Variants in UBE2E2 observed in about 807,000 individuals in gnomAD.
UBE2E2 encodes the protein ubiquitin-conjugating enzyme E2 E2.
A neutral mutation model predicts 24.7 loss-of-function variants in UBE2E2; 6 were observed. The observed-to-expected ratio is 0.24, with a 90% CI of 0.13 to 0.48. The LOEUF (loss-of-function observed/expected upper bound fraction) is 0.48. UBE2E2 is among the 20% of genes least tolerant of loss of function. The probability of loss-of-function intolerance (pLI) is 0.99; values close to 1 mark genes in which losing one functional copy is unlikely to be tolerated. For synonymous variants in UBE2E2, 104 were observed against 83.6 expected (o/e 1.24, Z -1.33); for missense variants, 169 against 245.0 (o/e 0.69, Z 2.07).
At chr3:23,401,607 C>A (rs1270046805) in intron 3 of UBE2E2, among the ~76,000 whole-genome samples, 2 of 152,102 alleles carry the variant, frequency 1.3e-5, no homozygotes, top group Admixed American at 1.3e-4. Flanking sequence ...CTGTCCCATT[C>A]TTCCCTTAAT....
intron 3 of UBE2E2, among the ~76,000 whole-genome samples, chr3:23,379,269 G>A (rs1696601330): frequency 1.3e-5 from 2 of 150,376 alleles, no homozygotes; most frequent in Admixed American, 1.3e-4. Context: ...TATACTTTAA[G>A]TTTTAGGGTA....
chr3:23,479,656 T>A (rs1010502099), intron 3 of UBE2E2, among the ~76,000 whole-genome samples: 4 of 152,018 alleles, frequency 2.6e-5, no homozygotes, highest in Non-Finnish European at 5.9e-5. Context: ...AACTGGAGGG[T>A]GAGCAAGGTG....
intron 3 of UBE2E2, among the ~76,000 whole-genome samples, chr3:23,267,743 A>G (rs1246851724): frequency 6.6e-6 from 1 of 151,998 alleles, no homozygotes; most frequent in Non-Finnish European, 1.5e-5. Context: ...CCTGGCAGAG[A>G]CACAACCAAA....
chr3:23,256,837 G>C (rs1697737003), intron 3 of UBE2E2, among the ~76,000 whole-genome samples: 1 of 152,062 alleles, frequency 6.6e-6, no homozygotes, highest in African/African-American at 2.4e-5. Context: ...CCTTATTACT[G>C]TCCATTCCAT....
intron 3 of UBE2E2, among the ~76,000 whole-genome samples, chr3:23,357,885 C>T (rs1034581828): frequency 3.9e-5 from 6 of 152,192 alleles, no homozygotes; most frequent in African/African-American, 1.4e-4. Flanking sequence ...ATCACCCAGG[C>T]TGGCATGCAC....
intron 4 of UBE2E2, among the ~76,000 whole-genome samples, chr3:23,531,862 G>A (rs1695129153): frequency 6.6e-6 from 1 of 152,080 alleles, no homozygotes; most frequent in Non-Finnish European, 1.5e-5. Context: ...AGGAGTTCAA[G>A]ACCAGCCTGG....
At chr3:23,576,816 G>A (rs965547457) in intron 5 of UBE2E2, among the ~76,000 whole-genome samples, 2 of 152,244 alleles carry the variant, frequency 1.3e-5, no homozygotes, top group Non-Finnish European at 2.9e-5. Context: ...GAGTGCATGG[G>A]CTCCCGTCCA....
At chr3:23,357,848 A>AT (rs11391624) in intron 3 of UBE2E2, among the ~76,000 whole-genome samples, 67,021 of 151,652 alleles carry the variant, frequency 0.44, 15,095 homozygotes, top group Admixed American at 0.56. Flanking sequence ...AATCTATTTA[A>AT]TTTTTTTTGA....
chr3:23,468,670 G>A (rs976590266), intron 3 of UBE2E2, among the ~76,000 whole-genome samples: 1 of 152,166 alleles, frequency 6.6e-6, no homozygotes, highest in African/African-American at 2.4e-5. Flanking sequence ...ATGTAAAATT[G>A]CAGGGTGCAG....
At chr3:23,455,190 CTG>C (rs1698652036) in intron 3 of UBE2E2, among the ~76,000 whole-genome samples, 1 of 152,142 alleles carries the variant, frequency 6.6e-6, no homozygotes, top group African/African-American at 2.4e-5. Context: ...GCTTGACTAC[CTG>C]TCAATAGGAA....
intron 3 of UBE2E2, among the ~76,000 whole-genome samples, chr3:23,426,172 A>G (rs1697920034): frequency 6.6e-6 from 1 of 152,190 alleles, no homozygotes; most frequent in African/African-American, 2.4e-5. Flanking sequence ...CCTTGAGTAT[A>G]TGTCAGTAGA....
intron 3 of UBE2E2, among the ~76,000 whole-genome samples, chr3:23,398,035 A>T (rs138841163): frequency 6.6e-6 from 1 of 152,240 alleles, no homozygotes; most frequent in Non-Finnish European, 1.5e-5. Context: ...ACTTGGGGCC[A>T]GGCGCGGTGG....
rs141902596 is a variant in UBE2E2, at chr3:23,526,656, C to T, written c.361-5898C>T. On this transcript the variant is annotated intron_variant, in intron 4 of 5. Transcript: ENST00000396703. Reference sequence around the variant, plus strand: ...CATTTCAATAGATAAACACATAACACTTCTTAAAACTTAGGGATCAAGATT... The same window carrying T: ...CATTTCAATAGATAAACACATAACATTTCTTAAAACTTAGGGATCAAGATT... Among the ~76,000 whole-genome samples the T allele has an allele frequency of 3.1e-3, 466 of 152,294 alleles. 3 individuals are homozygous for T. The highest frequency in any genetic ancestry group is 4.5e-3 in the Non-Finnish European group (309 of 68,030).
At chr3:23,442,668 T>C (rs540283050) in intron 3 of UBE2E2, among the ~76,000 whole-genome samples, 233 of 152,264 alleles carry the variant, frequency 1.5e-3, no homozygotes, top group African/African-American at 5.3e-3. Context: ...TTTTTTAAAA[T>C]CCAAAAGAAA....
intron 3 of UBE2E2, among the ~76,000 whole-genome samples, chr3:23,471,514 T>C (rs935277874): frequency 5.9e-5 from 9 of 152,134 alleles, no homozygotes; most frequent in Non-Finnish European, 1.5e-5. Flanking sequence ...TGCCAGCAAA[T>C]ACTCATTGGA....
intron 3 of UBE2E2, among the ~76,000 whole-genome samples, chr3:23,459,169 A>G (rs1349577812): frequency 2.0e-5 from 3 of 152,222 alleles, no homozygotes; most frequent in Admixed American, 1.3e-4. Flanking sequence ...AGCCTGCCAA[A>G]TACTTTAAGT....
chr3:23,529,363 A>C (rs937667763), intron 4 of UBE2E2, among the ~76,000 whole-genome samples: 1 of 152,250 alleles, frequency 6.6e-6, no homozygotes, highest in African/African-American at 2.4e-5. Context: ...GTAGTTATAC[A>C]GGATGTTTTC....
At chr3:23,458,314 A>G (rs945313397) in intron 3 of UBE2E2, among the ~76,000 whole-genome samples, 2 of 146,626 alleles carry the variant, frequency 1.4e-5, no homozygotes, top group Non-Finnish European at 1.5e-5. Context: ...AGAGTTTGCC[A>G]TCTTCTATGG....
At chr3:23,554,329 C>T (rs1210054767) in intron 5 of UBE2E2, among the ~76,000 whole-genome samples, 4 of 151,870 alleles carry the variant, frequency 2.6e-5, no homozygotes, top group African/African-American at 4.8e-5. Flanking sequence ...TAAATGATTC[C>T]GGGGAAACTG....
Sources: gnomAD v4.1 joint callset for allele counts (sites outside exome capture counted in the v4.1 genomes callset) on GRCh38, gnomAD v4.1.1 for gene constraint, MANE v1.5 for transcripts, NCBI Gene and HGNC (gene_info 2026-07-23, HGNC 2026-07-21) for gene names.